SC5D: variants seen among roughly 807,000 people sequenced by gnomAD.
SC5D encodes lathosterol oxidase.
Under a neutral mutation model 23.9 loss-of-function variants are expected in SC5D, and 21 were observed. The ratio of observed to expected loss-of-function variants is 0.88; its 90% CI spans 0.62 to 1.26. The LOEUF is 1.26. Ranked by LOEUF, SC5D falls within the 50% of genes most tolerant of loss-of-function variation. The probability of loss-of-function intolerance (pLI) is 0.00; values close to 1 mark genes in which losing one functional copy is unlikely to be tolerated. For missense variants in SC5D, 309 were observed against 364.8 expected (o/e 0.85, Z 1.25); for synonymous variants, 113 against 125.9 (o/e 0.90, Z 0.68).
At position 121,307,220 on chromosome 11, in the gene SC5D, T is replaced by G. The variant is rs767126672; in HGVS notation, c.608T>G (p.Ile203Ser). The G allele has an allele frequency of 1.9e-6, 3 of 1,614,230 alleles. No individual in the cohort carries two copies. Among genetic ancestry groups the G allele is most frequent in the Non-Finnish European group, 1.7e-6 (2 of 1,180,030 alleles). ...VYLSLYILVN[I>S]WTISIHDGDF... ...TTAAGTCTGTACATCTTGGTTAATA[T>G]CTGGACAATTTCCATTCATGACGGT... The change falls in exon 5 of 5, where the codon ATC becomes AGC. Residue 203 changes from isoleucine to serine, a missense_variant. Ile to Ser is a moderately radical substitution (Grantham distance 142). Coordinates refer to ENST00000264027, the MANE Select transcript of SC5D (RefSeq NM_006918.5).
In SC5D at chr11:121,306,486, G is replaced by A. The variant is rs1450599623; in HGVS notation, c.444G>A (p.Lys148=). The change falls in exon 4 of 5, where the codon AAG becomes AAA. Residue 148 remains lysine, a splice_region_variant and synonymous_variant. Transcript: ENST00000264027. ...HRGLHHRLVY[K]RLHKPHHIWK... Reference sequence around the variant, plus strand: ...GCCTTCATCATAGACTGGTATATAAGGTAAAGTCATTTGTGGTGAAAAGAG... The same window carrying A: ...GCCTTCATCATAGACTGGTATATAAAGTAAAGTCATTTGTGGTGAAAAGAG... The A allele has an allele frequency of 7.3e-7, 1 of 1,376,886 alleles. No homozygotes were observed. Among genetic ancestry groups the A allele is most frequent in the African/African-American group, 1.4e-5 (1 of 70,194 alleles). 85.3% of individuals were successfully genotyped at this position (1,376,886 alleles called of 1,614,324 possible). A position where few individuals can be genotyped will look rare whatever the true frequency, so the allele number is the denominator to read the frequency against.
chr11:121,302,046 G>T (rs568174779), intron 1 of SC5D, among the ~76,000 whole-genome samples: 22 of 152,294 alleles, frequency 1.4e-4, no homozygotes, highest in African/African-American at 5.3e-4. Flanking sequence ...GCTTTGCATT[G>T]TATGTCTTTT....
Position 121,309,789 on chromosome 11 carries a change from A to G in SC5D, c.*2277A>G, listed in dbSNP as rs562285193. Among the ~76,000 whole-genome samples, 260 of 152,344 alleles carry G rather than the reference A, an allele frequency of 1.7e-3. 1 individual carries two copies. Among genetic ancestry groups the G allele is most frequent in the Non-Finnish European group, 2.9e-3 (196 of 68,032 alleles). ...ATATACAGTACTGCCACATTCTCCT[A>G]CTTTCTATTAGAGGAAGTCAGAGAA... On this transcript the variant is annotated 3_prime_UTR_variant, in exon 5 of 5. Transcript: ENST00000264027.
At chr11:121,304,969 T>C (rs1360143312) in intron 3 of SC5D, 1 of 167,262 alleles carries the variant, frequency 6.0e-6, no homozygotes, top group Non-Finnish European at 1.3e-5. Flanking sequence ...GGGCTCTGAA[T>C]TTTGTTTCTC....
In SC5D at chr11:121,307,219, A is replaced by G; in HGVS notation, c.607A>G (p.Ile203Val). ...TTTAAGTCTGTACATCTTGGTTAAT[A>G]TCTGGACAATTTCCATTCATGACGG... is the stretch of plus-strand genomic sequence containing the variant. ...VYLSLYILVN[I>V]WTISIHDGDF... is the part of the protein sequence containing the mutation. Residue 203 changes from isoleucine (I) to valine (V), a missense_variant, in exon 5 of 5, where the codon ATC becomes GTC. Transcript: ENST00000264027. 3 of 1,614,186 alleles carry G rather than the reference A, an allele frequency of 1.9e-6. No individual in the cohort carries two copies. The highest frequency in any genetic ancestry group is 2.5e-6 in the Non-Finnish European group (3 of 1,180,020).
chr11:121,298,600 A>G (rs1351052119), intron 1 of SC5D, among the ~76,000 whole-genome samples: 1 of 152,226 alleles, frequency 6.6e-6, no homozygotes, highest in Non-Finnish European at 1.5e-5. Flanking sequence ...CAAACCATAA[A>G]TACGTCAGGA....
chr11:121,298,277 G>T (rs1401103549), intron 1 of SC5D, among the ~76,000 whole-genome samples: 1 of 152,180 alleles, frequency 6.6e-6, no homozygotes, highest in African/African-American at 2.4e-5. Flanking sequence ...ACAGTCATGA[G>T]CCACCATGCC....
At chr11:121,306,511 G>C in intron 4 of SC5D, 25 bp downstream of exon 4, 1 of 1,111,188 alleles carries the variant, frequency 9.0e-7, no homozygotes, top group South Asian at 1.2e-5. Flanking sequence ...GGTGAAAAGA[G>C]AAAAAAGGTT....
chr11:121,300,684 C>A (rs996513614), intron 1 of SC5D, among the ~76,000 whole-genome samples: 1 of 152,154 alleles, frequency 6.6e-6, no homozygotes, highest in Non-Finnish European at 1.5e-5. Context: ...AGAATGATTC[C>A]CATGAGCAGG....
chr11:121,304,482 A>G lies in SC5D; in HGVS notation c.332A>G (p.Glu111Gly). 1 of 1,613,516 alleles carries G rather than the reference A, an allele frequency of 6.2e-7. No individual in the cohort carries two copies. The highest frequency in any genetic ancestry group is 1.1e-5 in the South Asian group (1 of 91,066). Reference sequence around the variant, plus strand: ...AGCAAATTACATGATGACCTAGGAGAGTTTCCATATGGTAAGTAAATAACA... The same window carrying G: ...AGCAAATTACATGATGACCTAGGAGGGTTTCCATATGGTAAGTAAATAACA... Reference protein sequence around the residue: ...GYSKLHDDLGEFPYGLFELVV... With the variant: ...GYSKLHDDLGGFPYGLFELVV... Residue 111 changes from glutamate (E) to glycine (G), a missense_variant, in exon 3 of 5, where the codon GAG (glutamate) becomes GGG (glycine). Coordinates refer to ENST00000264027, the MANE Select transcript of SC5D (RefSeq NM_006918.5).
intron 1 of SC5D, among the ~76,000 whole-genome samples, chr11:121,298,454 TC>T (rs1358116866): frequency 5.9e-5 from 9 of 152,196 alleles, no homozygotes; most frequent in Non-Finnish European, 1.2e-4. Context: ...TGTTGATAAA[TC>T]AGCAATAATA....
intron 4 of SC5D, 43 bp from the exon 5 acceptor site, chr11:121,307,013 CG>C: frequency 6.6e-7 from 1 of 1,515,712 alleles, no homozygotes; most frequent in Non-Finnish European, 9.2e-7. Flanking sequence ...GAATGTTGCA[CG>C]GGGTAAAGTT....
At chr11:121,298,659 C>T (rs756940838) in intron 1 of SC5D, among the ~76,000 whole-genome samples, 18 of 152,084 alleles carry the variant, frequency 1.2e-4, no homozygotes, top group South Asian at 2.1e-4. Context: ...TGCTTCTGTT[C>T]GGCACTTTTT....
At chr11:121,299,791 G>A (rs1391319187) in intron 1 of SC5D, among the ~76,000 whole-genome samples, 1 of 152,202 alleles carries the variant, frequency 6.6e-6, no homozygotes, top group Non-Finnish European at 1.5e-5. Flanking sequence ...CTCCTCAGGA[G>A]GCTGAGTCAG....
chr11:121,303,791 AT>A, intron 2 of SC5D: 1 of 550,832 alleles, frequency 1.8e-6, no homozygotes, highest in Non-Finnish European at 3.2e-6. Flanking sequence ...TAATAAAACT[AT>A]AAGTCTAGTA....
At chr11:121,301,944 G>A (rs545042867) in intron 1 of SC5D, among the ~76,000 whole-genome samples, 4 of 152,056 alleles carry the variant, frequency 2.6e-5, no homozygotes, top group Non-Finnish European at 5.9e-5. Context: ...AACAAACACC[G>A]TAAGGATTCT....
chr11:121,308,337 A>ACCT lies in SC5D; in HGVS notation c.*826_*827insCTC, dbSNP rs904973593. 1 of 152,226 alleles carries ACCT rather than the reference A, an allele frequency of 6.6e-6. No homozygotes were observed. Among genetic ancestry groups the ACCT allele is most frequent in the Non-Finnish European group, 1.5e-5 (1 of 68,038 alleles). The allele number at this position is 152,226 out of a possible 1,614,324, so 9.4% of individuals were successfully genotyped here. A position where few individuals can be genotyped will look rare whatever the true frequency, so the allele number is the denominator to read the frequency against. ...TTGATGCCCAGATAATATATTAGGCACTACTGATTTTTTAGTTAAATTGAT... is the reference window on the plus strand; with the variant it reads ...TTGATGCCCAGATAATATATTAGGCACCTCTACTGATTTTTTAGTTAAATTGAT... On this transcript the variant is annotated 3_prime_UTR_variant, in exon 5 of 5. Coordinates refer to ENST00000264027, the MANE Select transcript of SC5D (RefSeq NM_006918.5).
chr11:121,302,976 T>C (rs184736052), intron 1 of SC5D, among the ~76,000 whole-genome samples: 8 of 152,310 alleles, frequency 5.3e-5, no homozygotes, highest in African/African-American at 1.7e-4. Flanking sequence ...AACTTGTAGC[T>C]GAAAGAGGAA....
chr11:121,300,835 C>A (rs1384874870), intron 1 of SC5D, among the ~76,000 whole-genome samples: 1 of 152,160 alleles, frequency 6.6e-6, no homozygotes, highest in East Asian at 1.9e-4. Context: ...CAACACAGCA[C>A]CTTGGCAAAG....
Sources: gnomAD v4.1 joint callset for allele counts (sites outside exome capture counted in the v4.1 genomes callset) on GRCh38, gnomAD v4.1.1 for gene constraint, MANE v1.5 for transcripts, NCBI Gene and HGNC (gene_info 2026-07-23, HGNC 2026-07-21) for gene names.